The following CCDC141 variants were observed in gnomAD, a reference collection of about 807,000 sequenced individuals.
CCDC141 encodes the protein coiled-coil domain containing 141.
CCDC141 carries 168 observed loss-of-function variants against 181.0 expected under a neutral mutation model. The observed-to-expected ratio is 0.93, with a 90% confidence interval of 0.82 to 1.05. CCDC141 has a LOEUF of 1.05. Among genes scored for constraint, CCDC141 ranks in the 50% least tolerant of loss-of-function variants. The pLI is 0.00. For missense variants in CCDC141, 1,902 were observed against 1,788.5 expected (o/e 1.06, Z -1.14); for synonymous variants, 666 against 642.3 (o/e 1.04, Z -0.56).
chr2:178,923,637 C>G (rs572162745), intron 6 of CCDC141, among the ~76,000 whole-genome samples: 2 of 152,278 alleles, frequency 1.3e-5, no homozygotes, highest in South Asian at 4.2e-4. Context: ...AAAGCCAAAG[C>G]CTTCCATTTC....
In CCDC141 at chr2:178,967,924, A is replaced by G. The variant is rs181808279; in HGVS notation, c.527-6441T>C. Among the ~76,000 whole-genome samples the G allele has an allele frequency of 4.1e-4, 62 of 152,326 alleles. No individual in the cohort carries two copies. In the East Asian group the frequency reaches 0.012, roughly 29 times the overall value. On this transcript the variant is annotated intron_variant, in intron 4 of 23. Transcript: ENST00000443758. ...CTAAGCAAATGGAAAGTAAAAAAAA[A>G]GCAAGAGTTGCAATCCTAATCTCAT...
At chr2:178,888,915 A>G (rs955803581) in intron 8 of CCDC141, among the ~76,000 whole-genome samples, 4 of 152,164 alleles carry the variant, frequency 2.6e-5, no homozygotes, top group Non-Finnish European at 5.9e-5. Context: ...TTCTTTTCTA[A>G]AGGCTTACTT....
intron 8 of CCDC141, among the ~76,000 whole-genome samples, chr2:178,904,435 C>G (rs914832095): frequency 2.6e-5 from 4 of 152,176 alleles, no homozygotes; most frequent in African/African-American, 9.7e-5. Context: ...TTAAACTCGT[C>G]TAAAATAGAA....
intron 2 of CCDC141, among the ~76,000 whole-genome samples, chr2:179,025,695 T>A (rs2042824274): frequency 6.6e-6 from 1 of 152,184 alleles, no homozygotes. Flanking sequence ...GAAGTAACTT[T>A]GAAACTAGGT....
intron 2 of CCDC141, among the ~76,000 whole-genome samples, chr2:179,031,395 C>G (rs1464726621): frequency 6.6e-6 from 1 of 151,842 alleles, no homozygotes; most frequent in African/African-American, 2.4e-5. Flanking sequence ...TCTTTCTTTC[C>G]TTTCTCAGTC....
At chr2:178,816,200 C>T in the CCDC141 span, among the ~76,000 whole-genome samples, 1 of 152,196 alleles carries the variant, frequency 6.6e-6, no homozygotes, top group Non-Finnish European at 1.5e-5. Flanking sequence ...TGTTCTTCAT[C>T]TTCTTCCTTC....
intron 6 of CCDC141, among the ~76,000 whole-genome samples, chr2:178,919,622 G>C (rs1688599892): frequency 6.6e-6 from 1 of 152,202 alleles, no homozygotes; most frequent in Non-Finnish European, 1.5e-5. Context: ...ATTCATTTAA[G>C]TATAAAAACA....
the CCDC141 span, among the ~76,000 whole-genome samples, chr2:178,820,790 A>G: frequency 1.3e-5 from 2 of 152,194 alleles, no homozygotes; most frequent in South Asian, 4.1e-4. Flanking sequence ...AAAGGCTAAG[A>G]TTTTTAAATT....
intron 2 of CCDC141, among the ~76,000 whole-genome samples, chr2:179,000,099 A>C (rs987149301): frequency 1.5e-5 from 2 of 135,770 alleles, no homozygotes; most frequent in African/African-American, 5.6e-5. Context: ...CACACACACA[A>C]TTAGAATCAC....
At chr2:178,975,699 AATAC>A (rs1260863306) in intron 3 of CCDC141, among the ~76,000 whole-genome samples, 2 of 152,200 alleles carry the variant, frequency 1.3e-5, no homozygotes, top group African/African-American at 2.4e-5. Flanking sequence ...GTTTCTGAAT[AATAC>A]ATAGTCTAAT....
chr2:178,928,059 T>C (rs1236749063), intron 6 of CCDC141, among the ~76,000 whole-genome samples: 1 of 152,188 alleles, frequency 6.6e-6, no homozygotes, highest in African/African-American at 2.4e-5. Flanking sequence ...ATAAATTACA[T>C]TTTAAATAGA....
Position 178,834,388 on chromosome 2 carries a change from T to C in CCDC141, c.4378A>G (p.Lys1460Glu), listed in dbSNP as rs1192454545. Residue 1460 changes from lysine to glutamate, a missense_variant, in exon 24 of 24, where the codon AAG becomes GAG. Physicochemically the swap from Lys to Glu is moderately conservative, Grantham distance 56 (BLOSUM62 1). Coordinates refer to ENST00000443758, the MANE Select transcript of CCDC141 (RefSeq NM_173648.4). ...SADGHLQVLH[K>E]ETRHSVFIPK... The stretch of plus-strand genomic sequence containing the variant: ...ATGAACACCGAATGCCTTGTCTCCT[T>C]GTGTAAAACCTGTAAGTGCCCATCT... 6.5e-7 allele frequency: 1 copy of C among 1,536,450 alleles called. No individual in the cohort carries two copies. Among genetic ancestry groups the C allele is most frequent in the South Asian group, 1.2e-5 (1 of 84,060 alleles).
In CCDC141 at chr2:178,833,591, C is replaced by A. The variant is rs1236410024; in HGVS notation, c.*582G>T. ...GGCACATCTATCCTCCAATGTCAAA[C>A]CCGTGAGAGCAACATGAGGAATGAT... On this transcript the variant is annotated 3_prime_UTR_variant, in exon 24 of 24. Transcript: ENST00000443758. 2.0e-5 allele frequency: 3 copies of A among 152,764 alleles called. No homozygotes were observed. Among genetic ancestry groups the A allele is most frequent in the Non-Finnish European group, 4.4e-5 (3 of 68,486 alleles). The allele number at this position is 152,764 out of a possible 1,614,324, so 9.5% of individuals were successfully genotyped here.
Position 178,869,125 on chromosome 2 carries a change from T to C in CCDC141, c.2386A>G (p.Lys796Glu). ...LYKVVQFHQV[K>E]EELGRLIKSR... ...TCCCTTCTAAGCCTTACCTCTTCCT[T>C]GACTTGATGGAACTGGACCACCTTG... Residue 796 changes from lysine (K) to glutamate (E), a missense_variant, in exon 15 of 24, where the codon AAG becomes GAG. Transcript: ENST00000443758. 1.3e-6 allele frequency: 2 copies of C among 1,579,188 alleles called. No individual in the cohort carries two copies. Among genetic ancestry groups the C allele is most frequent in the Non-Finnish European group, 1.7e-6 (2 of 1,167,520 alleles).
At chr2:178,878,899 G>C (rs1686470673) in intron 11 of CCDC141, among the ~76,000 whole-genome samples, 1 of 152,088 alleles carries the variant, frequency 6.6e-6, no homozygotes, top group Non-Finnish European at 1.5e-5. Context: ...ATACAAATCA[G>C]TAAGAAATAC....
intron 6 of CCDC141, among the ~76,000 whole-genome samples, chr2:178,935,455 C>T (rs1417510196): frequency 6.6e-6 from 1 of 152,170 alleles, no homozygotes; most frequent in African/African-American, 2.4e-5. Context: ...GACATGATCT[C>T]ATTCTTTTTT....
At chr2:178,882,049 A>C (rs1686649115) in intron 11 of CCDC141, among the ~76,000 whole-genome samples, 1 of 152,032 alleles carries the variant, frequency 6.6e-6, no homozygotes. Context: ...GAACAAAGGA[A>C]AAGAAGCAAT....
intron 2 of CCDC141, among the ~76,000 whole-genome samples, chr2:179,029,419 A>C (rs2042945102): frequency 6.6e-6 from 1 of 152,234 alleles, no homozygotes; most frequent in African/African-American, 2.4e-5. Context: ...CCTATCTCAC[A>C]AGGTTAATTT....
rs115521023 is a variant in CCDC141 at position 178,929,926 on chromosome 2, G to C, written c.898-11019C>G. ...TATATGGGTAATTCATGAGTACACT[G>C]TAGTTTGAGAAGCTCTGGTCTAGAA... On this transcript the variant is annotated intron_variant, in intron 6 of 23. Transcript: ENST00000443758. Among the ~76,000 whole-genome samples, 395 of 152,250 alleles carry C rather than the reference G, an allele frequency of 2.6e-3. 5 individuals are homozygous for C. The highest frequency in any genetic ancestry group is 0.01 in the Admixed American group (158 of 15,288).
Sources: gnomAD v4.1 joint callset for allele counts (sites outside exome capture counted in the v4.1 genomes callset) on GRCh38, gnomAD v4.1.1 for gene constraint, MANE v1.5 for transcripts, NCBI Gene and HGNC (gene_info 2026-07-23, HGNC 2026-07-21) for gene names.